The following LDB1 variants were observed in gnomAD, a reference collection of about 807,000 sequenced individuals.
LDB1 encodes the protein LIM domain-binding protein 1.
LDB1 carries 6 observed loss-of-function variants against 49.7 expected under a neutral mutation model. The ratio of observed to expected loss-of-function variants is 0.12; its 90% CI spans 0.07 to 0.24. The LOEUF is 0.24. LDB1 is among the 10% of genes least tolerant of loss of function. LDB1 has a pLI of 1.00. For missense variants in LDB1, 341 were observed against 561.7 expected (o/e 0.61, Z 3.97); for synonymous variants, 233 against 202.0 (o/e 1.15, Z -1.30).
rs866499325 is a variant in LDB1, at chr10:102,107,929, G to C, written c.*164C>G. The C allele has an allele frequency of 2.5e-5, 17 of 676,450 alleles. 1 individual carries two copies. In the Middle Eastern group the frequency reaches 4.3e-3, roughly 170 times the overall value. The allele number at this position is 676,450 out of a possible 1,614,324, so 41.9% of individuals were successfully genotyped here. On this transcript the variant is annotated 3_prime_UTR_variant, in exon 11 of 11. Coordinates refer to ENST00000673968, the MANE Select transcript of LDB1 (RefSeq NM_001113407.3). Reference sequence around the variant, plus strand: ...GGCCCAGCCCAGGGCCACTGGGGGGGCAAATCTTGGCACCTGCCCCCAGAG... The same window carrying C: ...GGCCCAGCCCAGGGCCACTGGGGGGCCAAATCTTGGCACCTGCCCCCAGAG...
At position 102,109,359 on chromosome 10, in the gene LDB1, G is replaced by GT. The variant is rs772188060; in HGVS notation, c.856+24dup. On this transcript the variant is annotated intron_variant, in intron 9 of 10. Transcript: ENST00000673968. The surrounding 1 kb of genome is among the most constrained non-coding windows in gnomAD (Gnocchi z 5.8). ...CTTTGGGGAGCGGTGTGAGATCCTG[G>GT]TAAGAGCAGGTGCAAGGCACTCACC... is the stretch of plus-strand genomic sequence containing the variant. The GT allele has an allele frequency of 2.5e-6, 4 of 1,613,598 alleles. No individual in the cohort carries two copies. In the South Asian group the frequency reaches 4.4e-5, roughly 18 times the overall value.
downstream of LDB1, among the ~76,000 whole-genome samples, chr10:102,102,456 G>GT (rs1167199856): frequency 1.3e-5 from 2 of 152,186 alleles, no homozygotes; most frequent in Non-Finnish European, 2.9e-5. Context: ...CTGGCCCTAG[G>GT]TCCTCCTCTT....
chr10:102,108,892 G>C, intron 10 of LDB1, 137 bp downstream of exon 10: 1 of 1,141,516 alleles, frequency 8.8e-7, no homozygotes, highest in South Asian at 1.3e-5. Context: ...ACCAGTAAAA[G>C]CAGTTAGCCC....
downstream of LDB1, among the ~76,000 whole-genome samples, chr10:102,105,694 G>A (rs866785411): frequency 2.0e-5 from 3 of 151,544 alleles, no homozygotes; most frequent in African/African-American, 7.3e-5. Context: ...GGGCAGAGTG[G>A]ACCACGCCTA....
chr10:102,103,669 C>T (rs577356635), downstream of LDB1, among the ~76,000 whole-genome samples: 1 of 152,178 alleles, frequency 6.6e-6, no homozygotes, highest in African/African-American at 2.4e-5. Context: ...CAAAAACTAG[C>T]TGGGCATGGT....
intron 1 of LDB1, among the ~76,000 whole-genome samples, chr10:102,112,489 AG>A (rs1303637298): frequency 6.6e-6 from 1 of 152,150 alleles, no homozygotes; most frequent in African/African-American, 2.4e-5. Context: ...CAGGAGGGCA[AG>A]GGATGGAAAG....
At position 102,119,937 on chromosome 10, in the gene LDB1, G is replaced by C. The variant is rs948897135; in HGVS notation, c.25+149C>G. 8.8e-5 allele frequency: 40 copies of C among 455,776 alleles called. 1 individual carries two copies. The highest frequency in any genetic ancestry group is 8.1e-4 in the African/African-American group (39 of 48,060). The allele number at this position is 455,776 out of a possible 1,614,324, so 28.2% of individuals were successfully genotyped here. A position where few individuals can be genotyped will look rare whatever the true frequency, so the allele number is the denominator to read the frequency against. ...TACACAGTTGGGGAAAACGCTACCC[G>C]CCAGCCTGAGGCCCCGCGTAGCCCT... On this transcript the variant is annotated intron_variant, in intron 1 of 10. Coordinates refer to ENST00000673968, the MANE Select transcript of LDB1 (RefSeq NM_001113407.3).
At chr10:102,111,396 T>A in intron 2 of LDB1, 38 bp downstream of exon 2, 2 of 1,600,384 alleles carry the variant, frequency 1.2e-6, no homozygotes, top group Non-Finnish European at 1.7e-6. Context: ...GGATCCCACC[T>A]GGAGAAGGGT....
chr10:102,114,812 G>GGGGGCCCCCCCCCCC, intron 1 of LDB1: 106 of 929,784 alleles, frequency 1.1e-4, no homozygotes, highest in South Asian at 2.5e-4. Context: ...CCTCCGAGCA[G>GGGGGCCCCCCCCCCC]CCCGCCCGCC....
downstream of LDB1, among the ~76,000 whole-genome samples, chr10:102,103,280 G>A (rs547388383): frequency 6.6e-6 from 1 of 151,936 alleles, no homozygotes; most frequent in Non-Finnish European, 1.5e-5. Flanking sequence ...AACCTGCCTC[G>A]GCCTCCAAAA....
chr10:102,120,285 C>A lies in LDB1; in HGVS notation c.-175G>T, dbSNP rs1269601329. On this transcript the variant is annotated 5_prime_UTR_variant, in exon 1 of 11. Transcript: ENST00000673968. ...TGGCTGCGGCGAGGGGCCTGTCAGG[C>A]GCGGAGCAGACAGGAAGGAAGCCAG... 2 of 984,088 alleles carry A rather than the reference C, an allele frequency of 2.0e-6. No individual in the cohort carries two copies. Among genetic ancestry groups the A allele is most frequent in the African/African-American group, 3.5e-5 (2 of 57,100 alleles). The allele number at this position is 984,088 out of a possible 1,614,324, so 61.0% of individuals were successfully genotyped here.
chr10:102,114,227 T>C (rs545624016), intron 1 of LDB1, among the ~76,000 whole-genome samples: 32 of 152,240 alleles, frequency 2.1e-4, no homozygotes, highest in Non-Finnish European at 4.1e-4. Flanking sequence ...ATTGCCATGG[T>C]AACCAGGCTG....
intron 4 of LDB1, 28 bp downstream of exon 4, chr10:102,111,041 C>T: frequency 6.2e-7 from 1 of 1,613,090 alleles, no homozygotes; most frequent in Non-Finnish European, 8.5e-7. Context: ...GGCCCTCCTG[C>T]TCCCAGCCCC....
intron 1 of LDB1, among the ~76,000 whole-genome samples, chr10:102,115,508 ATT>A (rs1211003870): frequency 6.6e-6 from 1 of 152,100 alleles, no homozygotes; most frequent in Non-Finnish European, 1.5e-5. Flanking sequence ...GTAAACACTG[ATT>A]GGAGGAAGGG....
rs1171245604 is a variant in LDB1, at chr10:102,114,641, G to A, written c.26-3105C>T. ...GGAAAGTTACAATGGCCACTGGGCC[G>A]GGGGCCGGGGGCCAGGGGGCCGGCC... On this transcript the variant is annotated intron_variant, in intron 1 of 10. Coordinates refer to ENST00000673968, the MANE Select transcript of LDB1 (RefSeq NM_001113407.3). The A allele has an allele frequency of 1.0e-5, 10 of 972,308 alleles. No homozygotes were observed. The South Asian group carries it at 4.7e-4, about 46-fold the overall frequency. The allele number at this position is 972,308 out of a possible 1,614,324, so 60.2% of individuals were successfully genotyped here.
intron 1 of LDB1, among the ~76,000 whole-genome samples, chr10:102,119,154 C>G (rs1299760724): frequency 1.3e-5 from 2 of 152,154 alleles, no homozygotes; most frequent in Admixed American, 1.3e-4. Flanking sequence ...AGAAAGCTGA[C>G]TCCAGTCTGG....
chr10:102,120,433 G>C (rs2068403570), upstream of LDB1: 1 of 978,840 alleles, frequency 1.0e-6, no homozygotes, highest in African/African-American at 1.8e-5. Context: ...CCGTCGCCGA[G>C]CGCCCCCCTC....
downstream of LDB1, among the ~76,000 whole-genome samples, chr10:102,105,732 C>T (rs1323977589): frequency 3.4e-5 from 5 of 148,668 alleles, no homozygotes; most frequent in African/African-American, 9.9e-5. Flanking sequence ...GAGGCCAAGG[C>T]GGGTGGATCA....
At chr10:102,111,891 T>C (rs1245437103) in intron 1 of LDB1, among the ~76,000 whole-genome samples, 1 of 152,032 alleles carries the variant, frequency 6.6e-6, no homozygotes. Context: ...TTGGGAGCTG[T>C]CCGATAATCC....
Sources: allele counts gnomAD v4.1 joint callset (sites outside exome capture counted in the v4.1 genomes callset), GRCh38; gene constraint gnomAD v4.1.1; non-coding constraint Gnocchi (gnomAD v3.1); transcripts MANE v1.5; gene names NCBI Gene and HGNC (gene_info 2026-07-23, HGNC 2026-07-21).